The following HECW1 variants were observed in gnomAD, a reference collection of about 807,000 sequenced individuals.
The protein encoded by HECW1 is HECT, C2 and WW domain containing E3 ubiquitin protein ligase 1, also known as E3 ubiquitin-protein ligase HECW1.
HECW1 carries 61 observed loss-of-function variants against 182.3 expected under a neutral mutation model. The ratio of observed to expected loss-of-function variants is 0.33; its 90% CI spans 0.27 to 0.41. The LOEUF (loss-of-function observed/expected upper bound fraction) is 0.41. Among genes scored for constraint, HECW1 ranks in the 10% least tolerant of loss-of-function variants. HECW1 has a pLI of 1.00. For missense variants in HECW1, 1,739 were observed against 2,108.9 expected (o/e 0.82, Z 3.44); for synonymous variants, 859 against 832.6 (o/e 1.03, Z -0.55).
At chr7:43,152,489 A>G (rs769621211) in intron 2 of HECW1, among the ~76,000 whole-genome samples, 24 of 152,338 alleles carry the variant, frequency 1.6e-4, no homozygotes, top group Middle Eastern at 3.4e-3. Flanking sequence ...TTTTCAGAGC[A>G]TTATATTGCT....
rs540067954 is a variant in HECW1 at position 43,565,171 on chromosome 7, A to G, written c.*3245A>G. 4.0e-5 allele frequency: 8 copies of G among 202,248 alleles called. No homozygotes were observed. The highest frequency in any genetic ancestry group is 7.1e-5 in the Non-Finnish European group (7 of 98,380). The allele number at this position is 202,248 out of a possible 1,614,324, so 12.5% of individuals were successfully genotyped here. A position where few individuals can be genotyped will look rare whatever the true frequency, so the allele number is the denominator to read the frequency against. ...TGGAAATTGATTCTGTGAGGTCAGG[A>G]GAAGTATTCTAAATCTACTGAACTC... On this transcript the variant is annotated 3_prime_UTR_variant, in exon 30 of 30. Coordinates refer to ENST00000395891, the MANE Select transcript of HECW1 (RefSeq NM_015052.5).
At chr7:43,361,037 C>G (rs1029596613) in intron 6 of HECW1, 57 bp downstream of exon 6, 36 of 1,238,100 alleles carry the variant, frequency 2.9e-5, no homozygotes, top group Non-Finnish European at 4.2e-5. Flanking sequence ...CTTCACTTTC[C>G]TATTTTGTTC....
At chr7:43,229,122 T>G (rs1458836264) in intron 2 of HECW1, among the ~76,000 whole-genome samples, 1 of 152,238 alleles carries the variant, frequency 6.6e-6, no homozygotes, top group Non-Finnish European at 1.5e-5. Context: ...ACATTTAATT[T>G]GTATTCGCTT....
intron 28 of HECW1, among the ~76,000 whole-genome samples, chr7:43,554,132 G>T (rs2081942907): frequency 6.6e-6 from 1 of 152,224 alleles, no homozygotes; most frequent in Admixed American, 6.5e-5. Context: ...CACGAAACTG[G>T]CTGTTCGCCT....
intron 3 of HECW1, chr7:43,249,494 C>G (rs774087290): frequency 6.6e-6 from 1 of 152,216 alleles, no homozygotes; most frequent in East Asian, 1.9e-4. Context: ...GTGCTTTTAT[C>G]AAGGGCCTGG....
chr7:43,382,364 C>T (rs577612801), intron 6 of HECW1, among the ~76,000 whole-genome samples: 1 of 152,136 alleles, frequency 6.6e-6, no homozygotes, highest in South Asian at 2.1e-4. Flanking sequence ...GAAGCAATGC[C>T]TGTGATGCTC....
intron 16 of HECW1, among the ~76,000 whole-genome samples, chr7:43,475,761 C>T (rs2078199726): frequency 1.3e-5 from 2 of 152,084 alleles, no homozygotes; most frequent in African/African-American, 4.8e-5. Context: ...CAGGTTTTCG[C>T]CATGTTGCCC....
intron 2 of HECW1, among the ~76,000 whole-genome samples, chr7:43,200,504 C>A (rs945009300): frequency 2.6e-5 from 4 of 152,216 alleles, no homozygotes; most frequent in African/African-American, 9.6e-5. Context: ...GTAACCCTAC[C>A]TTCCAATCTT....
intron 7 of HECW1, among the ~76,000 whole-genome samples, chr7:43,397,252 C>A (rs959835288): frequency 6.6e-6 from 1 of 152,060 alleles, no homozygotes; most frequent in Non-Finnish European, 1.5e-5. Flanking sequence ...TCACATGGGG[C>A]ACAACTGGCA....
chr7:43,155,403 A>G (rs1414015661), intron 2 of HECW1, among the ~76,000 whole-genome samples: 1 of 152,206 alleles, frequency 6.6e-6, no homozygotes, highest in African/African-American at 2.4e-5. Context: ...AAAAAGGTTC[A>G]TAACTCTTCA....
At chr7:43,424,045 A>C (rs7808277) in intron 8 of HECW1, among the ~76,000 whole-genome samples, 124,359 of 152,094 alleles carry the variant, frequency 0.82, 51,528 homozygotes, top group East Asian at 0.99. Flanking sequence ...GGGAGAGAAC[A>C]AAAGAAATTT....
At chr7:43,378,784 C>A (rs572987242) in intron 6 of HECW1, among the ~76,000 whole-genome samples, 31 of 150,714 alleles carry the variant, frequency 2.1e-4, no homozygotes, top group Non-Finnish European at 2.8e-4. Context: ...CCAGCCTGGG[C>A]AACAGAGTGA....
intron 3 of HECW1, among the ~76,000 whole-genome samples, chr7:43,275,205 A>G (rs1249335677): frequency 1.3e-5 from 2 of 152,216 alleles, no homozygotes; most frequent in South Asian, 2.1e-4. Flanking sequence ...TTGAAATCCT[A>G]TTTAGTAATA....
chr7:43,118,747 T>C (rs1475401018), intron 2 of HECW1, among the ~76,000 whole-genome samples: 1 of 152,228 alleles, frequency 6.6e-6, no homozygotes, highest in Non-Finnish European at 1.5e-5. Context: ...TTGAGGATTG[T>C]TGCCAGCTTT....
At chr7:43,333,998 GC>G (rs1584514271) in intron 5 of HECW1, among the ~76,000 whole-genome samples, 1 of 152,308 alleles carries the variant, frequency 6.6e-6, no homozygotes, top group East Asian at 1.9e-4. Context: ...TGTTAGAAAA[GC>G]AGTGGAAAGG....
At chr7:43,557,826 G>A (rs940923222) in intron 29 of HECW1, among the ~76,000 whole-genome samples, 1 of 152,158 alleles carries the variant, frequency 6.6e-6, no homozygotes, top group Non-Finnish European at 1.5e-5. Flanking sequence ...TGAAACTCAA[G>A]TTCCTCAAAA....
chr7:43,207,715 G>A (rs1002372159), intron 2 of HECW1: 4 of 152,104 alleles, frequency 2.6e-5, no homozygotes, highest in Non-Finnish European at 5.9e-5. Context: ...AGGTATGAAT[G>A]AGAACATATG....
intron 13 of HECW1, among the ~76,000 whole-genome samples, chr7:43,460,588 T>G (rs1280115773): frequency 6.6e-6 from 1 of 152,096 alleles, no homozygotes; most frequent in African/African-American, 2.4e-5. Flanking sequence ...ATTTACAAAT[T>G]ATGTATTTCA....
At chr7:43,312,752 T>A (rs528682814) in intron 4 of HECW1, among the ~76,000 whole-genome samples, 15 of 152,370 alleles carry the variant, frequency 9.8e-5, no homozygotes, top group African/African-American at 3.4e-4. Context: ...GTTTCACCAT[T>A]CCCACGGATT....
Sources: allele counts gnomAD v4.1 joint callset (sites outside exome capture counted in the v4.1 genomes callset), GRCh38; gene constraint gnomAD v4.1.1; transcripts MANE v1.5; gene names NCBI Gene and HGNC (gene_info 2026-07-23, HGNC 2026-07-21).